The following USP36 variants were observed in gnomAD, a reference collection of about 807,000 sequenced individuals.
The protein encoded by USP36 is ubiquitin carboxyl-terminal hydrolase 36.
USP36 carries 59 observed loss-of-function variants against 111.5 expected under a neutral mutation model. The observed-to-expected ratio is 0.53, with a 90% CI of 0.43 to 0.66. The LOEUF (loss-of-function observed/expected upper bound fraction) is 0.66. Ranked by LOEUF, USP36 falls within the 30% of genes least tolerant of loss-of-function variation. The probability of loss-of-function intolerance (pLI) is 0.00; values close to 1 mark genes in which losing one functional copy is unlikely to be tolerated. For missense variants in USP36, 1,488 were observed against 1,468.0 expected (o/e 1.01, Z -0.22); for synonymous variants, 628 against 581.0 (o/e 1.08, Z -1.16).
chr17:78,792,830 T>TGCCTCA (rs1156728996), downstream of USP36, among the ~76,000 whole-genome samples: 1 of 152,088 alleles, frequency 6.6e-6, no homozygotes, highest in Non-Finnish European at 1.5e-5. Context: ...GCAGTTCTCC[T>TGCCTCA]GCCTCAGCCT....
chr17:78,839,601 G>T (rs77044116), intron 1 of USP36, among the ~76,000 whole-genome samples: 1 of 152,196 alleles, frequency 6.6e-6, no homozygotes, highest in Non-Finnish European at 1.5e-5. Flanking sequence ...ATGTAACCCA[G>T]TTTCACTCGA....
chr17:78,827,423 C>T, intron 5 of USP36, 76 bp from the exon 6 acceptor site: 1 of 1,415,412 alleles, frequency 7.1e-7, no homozygotes, highest in East Asian at 2.4e-5. Context: ...TCCTGAATGG[C>T]CATTCCTGGC....
chr17:78,814,683 T>C (rs539645942), intron 10 of USP36, 131 bp from the exon 11 acceptor site: 423 of 1,144,272 alleles, frequency 3.7e-4, no homozygotes, highest in Non-Finnish European at 4.1e-4. Flanking sequence ...CCGGGCACAG[T>C]GGCTCACGCC....
chr17:78,831,225 C>CAAAAAA (rs33980218), intron 4 of USP36, among the ~76,000 whole-genome samples: 1 of 13,540 alleles, frequency 7.4e-5, no homozygotes, highest in Middle Eastern at 0.05. Context: ...AACTCCATCT[C>CAAAAAA]AAAAAAAAAA....
At position 78,835,473 on chromosome 17, in the gene USP36, A is replaced by G; in HGVS notation, c.282T>C (p.Gly94=). ...CTTTCTGCGGGGCTGGGACTCCGTC[A>G]CCACAGCTCTCATACGTGTGCTCAC... The part of the protein sequence containing the change: ...QGSEHTYESC[G]DGVPAPQKVL... The change falls in exon 4 of 21, where the codon GGT becomes GGC. Residue 94 remains glycine, a synonymous_variant. Transcript: ENST00000449938. 1 of 1,609,390 alleles carries G rather than the reference A, an allele frequency of 6.2e-7. No individual in the cohort carries two copies. Among genetic ancestry groups the G allele is most frequent in the Non-Finnish European group, 8.5e-7 (1 of 1,177,650 alleles).
At chr17:78,809,317 A>C (rs58951893) in intron 13 of USP36, among the ~76,000 whole-genome samples, 1 of 151,948 alleles carries the variant, frequency 6.6e-6, no homozygotes, top group Non-Finnish European at 1.5e-5. Context: ...ATTTTCTTCC[A>C]AGTTTTGTTT....
chr17:78,819,432 TAAGAGTTC>T (rs1390779384), intron 9 of USP36, among the ~76,000 whole-genome samples: 1 of 152,088 alleles, frequency 6.6e-6, no homozygotes, highest in East Asian at 1.9e-4. Flanking sequence ...AATGACAAAG[TAAGAGTTC>T]TATCTGCAGA....
chr17:78,820,472 T>C (rs1304668464), intron 8 of USP36, among the ~76,000 whole-genome samples: 1 of 151,912 alleles, frequency 6.6e-6, no homozygotes, highest in Non-Finnish European at 1.5e-5. Context: ...CTCAAGCCCC[T>C]ATAAAAAAAA....
At chr17:78,802,202 C>T (rs2093765611) in intron 17 of USP36, 122 bp downstream of exon 17, 2 of 1,205,902 alleles carry the variant, frequency 1.7e-6, no homozygotes, top group South Asian at 3.1e-5. Context: ...GCGGTCCAAC[C>T]CCTCGCCCAG....
chr17:78,832,656 A>T (rs1469657888), intron 4 of USP36, among the ~76,000 whole-genome samples: 1 of 152,230 alleles, frequency 6.6e-6, no homozygotes, highest in South Asian at 2.1e-4. Flanking sequence ...GCTCAAAAAG[A>T]TCCTGCAGAG....
chr17:78,820,881 G>GT, intron 8 of USP36, 110 bp downstream of exon 8: 1 of 1,206,526 alleles, frequency 8.3e-7, no homozygotes, highest in South Asian at 1.3e-5. Flanking sequence ...GAGCAAAGGA[G>GT]TTTTCTCCCT....
At chr17:78,810,680 C>T (rs1356823125) in intron 13 of USP36, among the ~76,000 whole-genome samples, 3 of 152,168 alleles carry the variant, frequency 2.0e-5, no homozygotes, top group East Asian at 1.9e-4. Context: ...CTTCTAATTT[C>T]AGCTTCTATT....
intron 6 of USP36, 78 bp downstream of exon 6, chr17:78,827,167 T>C (rs1241502811): frequency 1.0e-5 from 15 of 1,482,270 alleles, no homozygotes; most frequent in Non-Finnish European, 1.3e-5. Flanking sequence ...GGGCTGGCTG[T>C]TGCCATAGGA....
intron 4 of USP36, among the ~76,000 whole-genome samples, chr17:78,829,940 C>T (rs564996513): frequency 3.3e-4 from 50 of 152,324 alleles, no homozygotes; most frequent in African/African-American, 1.1e-3. Context: ...AGAGTTTCAC[C>T]ATGCTGGCCA....
At chr17:78,822,679 C>T (rs1004883582) in intron 6 of USP36, among the ~76,000 whole-genome samples, 1 of 152,214 alleles carries the variant, frequency 6.6e-6, no homozygotes, top group African/African-American at 2.4e-5. Flanking sequence ...GCGCCTCCCA[C>T]GCCTACGTAT....
Position 78,806,203 on chromosome 17 carries a change from T to C in USP36, c.2169A>G (p.Lys723=). Reference sequence around the variant, plus strand: ...TGGAGGCAACGACGGGGTGAGAGGTTTTCATGGGGTGGGTGAGGTCGGAGG... The same window carrying C: ...TGGAGGCAACGACGGGGTGAGAGGTCTTCATGGGGTGGGTGAGGTCGGAGG... ...SPSSDLTHPM[K]TSHPVVASTW... The change falls in exon 15 of 21, where the codon AAA becomes AAG. Residue 723 remains lysine (K), a synonymous_variant. Transcript: ENST00000449938. The C allele has an allele frequency of 6.2e-7, 1 of 1,612,938 alleles. No homozygotes were observed. Among genetic ancestry groups the C allele is most frequent in the Non-Finnish European group, 8.5e-7 (1 of 1,179,778 alleles).
At chr17:78,826,170 A>C (rs1393885076) in intron 6 of USP36, among the ~76,000 whole-genome samples, 1 of 152,160 alleles carries the variant, frequency 6.6e-6, no homozygotes, top group Non-Finnish European at 1.5e-5. Flanking sequence ...CCAAACCCTC[A>C]AAACAGACAA....
At chr17:78,799,847 TA>T in intron 17 of USP36, 79 bp from the exon 18 acceptor site, 1 of 612,648 alleles carries the variant, frequency 1.6e-6, no homozygotes, top group Non-Finnish European at 2.6e-6. Context: ...CCTTAAATTA[TA>T]AAACAACTTA....
At chr17:78,840,411 T>A (rs1287043031) in intron 1 of USP36, 1 of 152,390 alleles carries the variant, frequency 6.6e-6, no homozygotes, top group East Asian at 1.9e-4. Context: ...TCTCCGAAGT[T>A]GACCTGAATC....
Sources: allele counts gnomAD v4.1 joint callset (sites outside exome capture counted in the v4.1 genomes callset), GRCh38; gene constraint gnomAD v4.1.1; transcripts MANE v1.5; gene names NCBI Gene and HGNC (gene_info 2026-07-23, HGNC 2026-07-21).